PAK3: variants seen among roughly 807,000 people sequenced by gnomAD.
PAK3 encodes the protein serine/threonine-protein kinase PAK 3.
PAK3 carries 4 observed loss-of-function variants against 41.0 expected under a neutral mutation model. That is an observed-to-expected ratio of 0.10 (90% confidence interval 0.05 to 0.22). PAK3 has a LOEUF of 0.22. Ranked by LOEUF, PAK3 falls within the 10% of genes least tolerant of loss-of-function variation. PAK3 has a pLI of 1.00. For synonymous variants in PAK3, 146 were observed against 139.6 expected (o/e 1.05, Z -0.32); for missense variants, 205 against 409.9 (o/e 0.50, Z 4.32).
chrX:111,053,205 T>G (rs910546057), intron 1 of PAK3, among the ~76,000 whole-genome samples: 11 of 110,910 alleles, frequency 9.9e-5, no homozygotes, highest in Non-Finnish European at 1.5e-4. Context: ...GAGTGAGCTG[T>G]GCCAGGTTGA....
chrX:111,137,578 G>T (rs754402127), intron 5 of PAK3, among the ~76,000 whole-genome samples: 12 of 111,546 alleles, frequency 1.1e-4, no homozygotes, highest in Admixed American at 5.7e-4. Flanking sequence ...ACAAACTCTT[G>T]CAGGTAAAAG....
At chrX:110,966,465 GGA>G (rs754253767) in intron 1 of PAK3, among the ~76,000 whole-genome samples, 65 of 111,002 alleles carry the variant, frequency 5.9e-4, no homozygotes, top group Non-Finnish European at 1.1e-3. Context: ...GAGAAAGAAA[GGA>G]GAGAGAGTGA....
intron 11 of PAK3, among the ~76,000 whole-genome samples, chrX:111,176,525 T>A (rs936622540): frequency 4.2e-4 from 47 of 111,288 alleles, no homozygotes; most frequent in African/African-American, 1.5e-3. Context: ...AAAGAAAATG[T>A]TTGTCTTTCT....
intron 3 of PAK3, among the ~76,000 whole-genome samples, chrX:111,100,366 C>T (rs2093104406): frequency 1.8e-5 from 2 of 111,298 alleles, no homozygotes; most frequent in South Asian, 7.7e-4. Flanking sequence ...CACAACAGTG[C>T]CCTCTAGTGA....
At chrX:111,134,626 G>A (rs2093762677) in intron 5 of PAK3, among the ~76,000 whole-genome samples, 1 of 111,677 alleles carries the variant, frequency 9.0e-6, no homozygotes, top group Admixed American at 9.5e-5. Flanking sequence ...TCAATGATTA[G>A]AGTTTAGTGT....
intron 5 of PAK3, among the ~76,000 whole-genome samples, chrX:111,141,138 T>A (rs2093865587): frequency 9.0e-6 from 1 of 111,444 alleles, no homozygotes; most frequent in South Asian, 3.8e-4. Context: ...GATCTGCTAA[T>A]AAGTGTGTTA....
intron 11 of PAK3, among the ~76,000 whole-genome samples, chrX:111,177,339 C>T (rs1569444791): frequency 8.9e-6 from 1 of 111,983 alleles, no homozygotes; most frequent in Non-Finnish European, 1.9e-5. Context: ...TGGGTTTCTG[C>T]CATCCCAGCA....
At chrX:111,015,813 T>C (rs1007933310) in intron 1 of PAK3, among the ~76,000 whole-genome samples, 1 of 112,213 alleles carries the variant, frequency 8.9e-6, no homozygotes, top group African/African-American at 3.2e-5. Context: ...GTTGTTGTTG[T>C]TGCTGTTGCT....
intron 5 of PAK3, among the ~76,000 whole-genome samples, chrX:111,138,240 T>C (rs2093820322): frequency 9.0e-6 from 1 of 110,654 alleles, no homozygotes; most frequent in African/African-American, 3.3e-5. Flanking sequence ...CTCATATGAC[T>C]GTTGCGGAGA....
upstream of PAK3, among the ~76,000 whole-genome samples, chrX:111,092,148 T>G (rs909462411): frequency 4.5e-5 from 5 of 112,239 alleles, no homozygotes; most frequent in African/African-American, 1.6e-4. Flanking sequence ...CAGACCTCTT[T>G]CAGGATAGCA....
chrX:111,066,453 T>A lies in PAK3; in HGVS notation c.-27-56624T>A, dbSNP rs781088408. Among the ~76,000 whole-genome samples, 30 of 112,283 alleles carry A rather than the reference T, an allele frequency of 2.7e-4. 1 individual carries two copies. The highest frequency in any genetic ancestry group is 4.3e-4 in the Non-Finnish European group (23 of 53,222). On this transcript the variant is annotated intron_variant, in intron 1 of 14. Coordinates refer to the PAK3 transcript ENST00000425146. The stretch of plus-strand genomic sequence containing the variant: ...CATGGTTGGTATGATTTTGATTTTT[T>A]AAAAATTTATTGACACTTGCTATGG...
At position 110,956,543 on chromosome X, in the gene PAK3, TGA is replaced by T. The variant is rs756244992; in HGVS notation, c.-28+11917_-28+11918del. Among the ~76,000 whole-genome samples the T allele has an allele frequency of 4.5e-5, 5 of 111,799 alleles. No individual in the cohort carries two copies. The East Asian group carries it at 1.1e-3, about 26-fold the overall frequency. On this transcript the variant is annotated intron_variant, in intron 1 of 14. Coordinates refer to the PAK3 transcript ENST00000425146. ...TTTTGCATAGGGGAGGCCCCAAGACTGAGGGGACTTCTTGCTAAAGCACTGCA... is the reference window on the plus strand; with the variant it reads ...TTTTGCATAGGGGAGGCCCCAAGACTGGGGACTTCTTGCTAAAGCACTGCA...
At chrX:111,202,951 G>A (rs1470100841) in intron 16 of PAK3, among the ~76,000 whole-genome samples, 1 of 111,703 alleles carries the variant, frequency 9.0e-6, no homozygotes, top group Non-Finnish European at 1.9e-5. Flanking sequence ...GACAGTTATT[G>A]GTATCACTGC....
At chrX:111,072,435 C>G (rs2092752629) in intron 1 of PAK3, among the ~76,000 whole-genome samples, 2 of 112,563 alleles carry the variant, frequency 1.8e-5, no homozygotes, top group African/African-American at 6.4e-5. Flanking sequence ...GTTTTGTCAC[C>G]AGGCAAGTTT....
At chrX:111,018,897 A>G (rs1214607064) in intron 1 of PAK3, among the ~76,000 whole-genome samples, 1 of 111,592 alleles carries the variant, frequency 9.0e-6, no homozygotes, top group Non-Finnish European at 1.9e-5. Context: ...ACAGACACAT[A>G]TACCAATGGA....
intron 16 of PAK3, among the ~76,000 whole-genome samples, chrX:111,214,195 CA>C (rs2094851228): frequency 8.9e-6 from 1 of 111,973 alleles, no homozygotes; most frequent in African/African-American, 3.2e-5. Flanking sequence ...CTATGCAAGA[CA>C]ATCTCCTATG....
chrX:111,120,888 T>C (rs947110076), intron 4 of PAK3, among the ~76,000 whole-genome samples: 3 of 112,205 alleles, frequency 2.7e-5, no homozygotes, highest in Non-Finnish European at 5.6e-5. Context: ...GACTTGTCTC[T>C]GGTGGCAAAT....
At chrX:110,958,286 G>A (rs1351870853) in intron 1 of PAK3, among the ~76,000 whole-genome samples, 1 of 112,040 alleles carries the variant, frequency 8.9e-6, no homozygotes, top group Non-Finnish European at 1.9e-5. Context: ...GCCAAGAGCA[G>A]ATGGAAGCCA....
intron 4 of PAK3, among the ~76,000 whole-genome samples, chrX:111,121,614 G>A (rs2093570881): frequency 8.9e-6 from 1 of 111,771 alleles, no homozygotes; most frequent in Non-Finnish European, 1.9e-5. Flanking sequence ...ATTGTTCTTA[G>A]GTTTGTTCAT....
Sources: gnomAD v4.1 joint callset for allele counts (sites outside exome capture counted in the v4.1 genomes callset) on GRCh38, gnomAD v4.1.1 for gene constraint, MANE v1.5 for transcripts, NCBI Gene and HGNC (gene_info 2026-07-23, HGNC 2026-07-21) for gene names.